Variants in HTR1F observed in about 807,000 individuals in gnomAD.
HTR1F encodes the protein 5-hydroxytryptamine receptor 1F.
Under a neutral mutation model 24.0 loss-of-function variants are expected in HTR1F, and 17 were observed. That is an observed-to-expected ratio of 0.71 (90% CI 0.48 to 1.06). The LOEUF (loss-of-function observed/expected upper bound fraction) is 1.06, where lower values mean the gene tolerates loss of function less well. HTR1F is among the 50% of genes least tolerant of loss of function. The pLI is 0.00. For synonymous variants in HTR1F, 186 were observed against 156.8 expected (o/e 1.19, Z -1.39); for missense variants, 391 against 427.8 (o/e 0.91, Z 0.76).
intron 1 of HTR1F, among the ~76,000 whole-genome samples, chr3:87,819,818 A>G (rs576277445): frequency 1.3e-5 from 2 of 152,202 alleles, no homozygotes; most frequent in African/African-American, 4.8e-5. Flanking sequence ...ATGAAACTCA[A>G]TATTAATTAG....
intron 1 of HTR1F, among the ~76,000 whole-genome samples, chr3:87,798,683 G>C (rs56169023): frequency 0.3 from 45,933 of 151,422 alleles, 7,113 homozygotes; most frequent in East Asian, 0.43. Flanking sequence ...CCACTCCCAC[G>C]ATCCCATGAA....
intron 2 of HTR1F, among the ~76,000 whole-genome samples, chr3:87,932,468 A>T (rs7647149): frequency 0.011 from 1,648 of 152,052 alleles, 27 homozygotes; most frequent in African/African-American, 0.037. Flanking sequence ...TAGTTTGAAG[A>T]CGGGTAGTGT....
Position 87,839,018 on chromosome 3 carries a change from ATTTTTAT to A in HTR1F, c.-43+16900_-43+16906del, listed in dbSNP as rs1325031526. Among the ~76,000 whole-genome samples the A allele has an allele frequency of 1.5e-3, 212 of 143,552 alleles. 1 individual carries two copies. The highest frequency in any genetic ancestry group is 5.1e-3 in the African/African-American group (203 of 39,594). The allele number at this position is 143,552 out of a possible 152,430, so 94.2% of individuals were successfully genotyped here. A position where few individuals can be genotyped will look rare whatever the true frequency, so the allele number is the denominator to read the frequency against. ...CTTTTTATTTATTTATTTTATTTTTATTTTTATTTTTTTTTTTTGCTGTCTAGAAGCC... is the reference window on the plus strand; with the variant it reads ...CTTTTTATTTATTTATTTTATTTTTATTTTTTTTTTTGCTGTCTAGAAGCC... On this transcript the variant is annotated intron_variant, in intron 2 of 2. Transcript: ENST00000319595.
chr3:87,933,753 C>A (rs538419806), intron 2 of HTR1F, among the ~76,000 whole-genome samples: 3 of 152,086 alleles, frequency 2.0e-5, no homozygotes, highest in Non-Finnish European at 2.9e-5. Flanking sequence ...TAGGAAGAAT[C>A]AATATTATGA....
At chr3:87,873,360 A>C (rs529833650) in intron 2 of HTR1F, among the ~76,000 whole-genome samples, 1 of 152,170 alleles carries the variant, frequency 6.6e-6, no homozygotes, top group Non-Finnish European at 1.5e-5. Context: ...TGTAAACATG[A>C]GTCAGAGTCT....
chr3:87,861,235 C>T (rs78615773), intron 2 of HTR1F, among the ~76,000 whole-genome samples: 18,256 of 152,024 alleles, frequency 0.12, 1,375 homozygotes, highest in African/African-American at 0.21. Context: ...TTTTGTTCAT[C>T]GGTAAAAAGT....
intron 2 of HTR1F, among the ~76,000 whole-genome samples, chr3:87,897,920 T>C (rs1481054628): frequency 6.6e-6 from 1 of 152,126 alleles, no homozygotes; most frequent in African/African-American, 2.4e-5. Flanking sequence ...TATCTCACTA[T>C]GTTATAATTG....
intron 2 of HTR1F, among the ~76,000 whole-genome samples, chr3:87,936,499 T>C (rs1704421445): frequency 6.6e-6 from 1 of 152,200 alleles, no homozygotes; most frequent in Admixed American, 6.5e-5. Context: ...AACATTTAAT[T>C]TTTTAATAAA....
chr3:87,844,849 C>A lies in HTR1F; in HGVS notation c.-43+22725C>A, dbSNP rs546765513. 7.6e-4 allele frequency among the ~76,000 whole-genome samples: 115 copies of A among 150,652 alleles called. 1 individual carries two copies. The highest frequency in any genetic ancestry group is 3.1e-4 in the Non-Finnish European group (21 of 67,876). ...AGATCAGATAGTTGTAGATATGCGG[C>A]GTTATTTCTGAGGGCTCTGTTCTGT... On this transcript the variant is annotated intron_variant, in intron 2 of 2. Transcript: ENST00000319595.
intron 2 of HTR1F, among the ~76,000 whole-genome samples, chr3:87,892,329 T>C (rs1438940149): frequency 6.6e-6 from 1 of 152,216 alleles, no homozygotes; most frequent in Non-Finnish European, 1.5e-5. Context: ...CCCTAGAAGA[T>C]GTTAAAGCCT....
intron 2 of HTR1F, among the ~76,000 whole-genome samples, chr3:87,921,665 C>A (rs1004864023): frequency 6.6e-6 from 1 of 151,848 alleles, no homozygotes; most frequent in Non-Finnish European, 1.5e-5. Context: ...ATATAGAACA[C>A]TAGAATCCTA....
At chr3:87,929,961 C>T (rs571373882) in intron 2 of HTR1F, among the ~76,000 whole-genome samples, 5 of 152,228 alleles carry the variant, frequency 3.3e-5, no homozygotes, top group South Asian at 2.1e-4. Context: ...TTGTTTCTAT[C>T]GTCTCTGATT....
At chr3:87,898,720 G>GT (rs945154074) in intron 2 of HTR1F, among the ~76,000 whole-genome samples, 1 of 151,582 alleles carries the variant, frequency 6.6e-6, no homozygotes, top group Non-Finnish European at 1.5e-5. Flanking sequence ...ATTTGTTTTT[G>GT]TTAATGCTTT....
At position 87,864,877 on chromosome 3, in the gene HTR1F, G is replaced by A. The variant is rs116462661; in HGVS notation, c.-43+42753G>A. 5.8e-3 allele frequency among the ~76,000 whole-genome samples: 819 copies of A among 142,070 alleles called. 8 individuals are homozygous for A. The highest frequency in any genetic ancestry group is 0.021 in the African/African-American group (775 of 37,130). 93.2% of individuals were successfully genotyped at this position (142,070 alleles called of 152,430 possible). ...AGCCACTGCATTCCAGCCTGGGTGA[G>A]CAAGACTTCATCTCAAAAAAAAAAA... On this transcript the variant is annotated intron_variant, in intron 2 of 2. Coordinates refer to ENST00000319595, the MANE Select transcript of HTR1F (RefSeq NM_001322209.2).
chr3:87,856,488 T>C (rs1705202016), intron 2 of HTR1F, among the ~76,000 whole-genome samples: 1 of 152,126 alleles, frequency 6.6e-6, no homozygotes, highest in Non-Finnish European at 1.5e-5. Context: ...GTAAATATAT[T>C]TGAACATAAT....
intron 2 of HTR1F, among the ~76,000 whole-genome samples, chr3:87,916,132 C>G (rs772950417): frequency 6.6e-6 from 1 of 151,776 alleles, no homozygotes. Context: ...AGAAAAGATA[C>G]AGTCTTTTTC....
At chr3:87,958,359 A>T (rs1315408209) in intron 2 of HTR1F, among the ~76,000 whole-genome samples, 2 of 151,492 alleles carry the variant, frequency 1.3e-5, no homozygotes, top group African/African-American at 4.8e-5. Context: ...TCATTAGCTT[A>T]GAGAAGAGTT....
chr3:87,927,882 T>C (rs1704165419), intron 2 of HTR1F, among the ~76,000 whole-genome samples: 1 of 152,280 alleles, frequency 6.6e-6, no homozygotes, highest in East Asian at 1.9e-4. Flanking sequence ...AGGATGATTC[T>C]ACAATGCATT....
chr3:87,953,996 GGTAAAGAA>G (rs1179080427), intron 2 of HTR1F, among the ~76,000 whole-genome samples: 1 of 151,746 alleles, frequency 6.6e-6, no homozygotes, highest in Non-Finnish European at 1.5e-5. Flanking sequence ...ATCTCATGGA[GGTAAAGAA>G]TAGAATGATA....
Sources: gnomAD v4.1 joint callset for allele counts (sites outside exome capture counted in the v4.1 genomes callset) on GRCh38, gnomAD v4.1.1 for gene constraint, MANE v1.5 for transcripts, NCBI Gene and HGNC (gene_info 2026-07-23, HGNC 2026-07-21) for gene names.